ST8SIA6: variants seen among roughly 807,000 people sequenced by gnomAD.
ST8SIA6 encodes the protein ST8 alpha-N-acetyl-neuraminide alpha-2,8-sialyltransferase 6, also known as alpha-2,8-sialyltransferase 8F.
A neutral mutation model predicts 33.6 loss-of-function variants in ST8SIA6; 39 were observed. That is an observed-to-expected ratio of 1.16 (90% CI 0.90 to 1.52). The LOEUF is 1.52. ST8SIA6 is among the 40% of genes most tolerant of loss of function. ST8SIA6 has a pLI of 0.00. For synonymous variants in ST8SIA6, 172 were observed against 167.2 expected, an observed-to-expected ratio of 1.03 and a Z score of -0.22; for missense variants, 441 against 443.8, an observed-to-expected ratio of 0.99 and a Z score of 0.06.
At chr10:17,323,780 G>T (rs547420170) in intron 6 of ST8SIA6, among the ~76,000 whole-genome samples, 1 of 152,110 alleles carries the variant, frequency 6.6e-6, no homozygotes, top group Admixed American at 6.6e-5. Context: ...AAGTTTAGAA[G>T]AGTTCCCAAT....
At chr10:17,386,956 G>C (rs1221981133) in intron 3 of ST8SIA6, 1 of 152,262 alleles carries the variant, frequency 6.6e-6, no homozygotes, top group African/African-American at 2.4e-5. Flanking sequence ...GAGTTATTCA[G>C]GCCTCCGCCA....
At chr10:17,322,725 G>A (rs1222418642) in intron 7 of ST8SIA6, among the ~76,000 whole-genome samples, 1 of 152,124 alleles carries the variant, frequency 6.6e-6, no homozygotes, top group African/African-American at 2.4e-5. Flanking sequence ...AATAGAGTAA[G>A]TTTTATCAAG....
chr10:17,412,763 T>C (rs1394964886), intron 2 of ST8SIA6, among the ~76,000 whole-genome samples: 2 of 152,206 alleles, frequency 1.3e-5, no homozygotes, highest in African/African-American at 4.8e-5. Context: ...TAAGACCTAA[T>C]GTTAGATAGA....
Position 17,319,202 on chromosome 10 carries a change from T to C in ST8SIA6, c.*1676A>G, listed in dbSNP as rs11254521. On this transcript the variant is annotated 3_prime_UTR_variant, in exon 8 of 8. Coordinates refer to ENST00000377602, the MANE Select transcript of ST8SIA6 (RefSeq NM_001004470.3). Reference sequence around the variant, plus strand: ...TACACCACATCAGCTATGTAAATCATAAAACATGCGTCACAGTTCTTGTCG... The same window carrying C: ...TACACCACATCAGCTATGTAAATCACAAAACATGCGTCACAGTTCTTGTCG... Among the ~76,000 whole-genome samples the C allele has an allele frequency of 6.8e-3, 1,039 of 152,350 alleles. 6 individuals are homozygous for C. The highest frequency in any genetic ancestry group is 0.024 in the African/African-American group (996 of 41,570).
intron 4 of ST8SIA6, among the ~76,000 whole-genome samples, chr10:17,350,789 C>G (rs896153684): frequency 6.6e-6 from 1 of 152,122 alleles, no homozygotes; most frequent in African/African-American, 2.4e-5. Flanking sequence ...GCTGACATCA[C>G]ACTGACAGGT....
At chr10:17,449,718 G>A (rs1852843316) in intron 2 of ST8SIA6, among the ~76,000 whole-genome samples, 1 of 152,170 alleles carries the variant, frequency 6.6e-6, no homozygotes, top group African/African-American at 2.4e-5. Context: ...GCTTGAGTTA[G>A]ACTTGGAGGT....
intron 2 of ST8SIA6, among the ~76,000 whole-genome samples, chr10:17,430,312 C>T (rs1047390927): frequency 7.9e-5 from 12 of 152,118 alleles, no homozygotes; most frequent in African/African-American, 2.2e-4. Context: ...TGGGCACTTA[C>T]GTCAGTTCCA....
chr10:17,333,837 T>C (rs1043713101), intron 4 of ST8SIA6, among the ~76,000 whole-genome samples: 1 of 145,632 alleles, frequency 6.9e-6, no homozygotes, highest in Non-Finnish European at 1.5e-5. Flanking sequence ...TTCTCCTGCC[T>C]CAGCCTCCTG....
rs1176461782 is a variant in ST8SIA6, at chr10:17,378,295, G to A, written c.290+12236C>T. Among the ~76,000 whole-genome samples the A allele has an allele frequency of 3.9e-5, 6 of 152,094 alleles. 1 individual carries two copies. The South Asian group carries it at 1.2e-3, about 32-fold the overall frequency. On this transcript the variant is annotated intron_variant, in intron 3 of 7. Transcript: ENST00000377602. Reference sequence around the variant, plus strand: ...CCATGATTAGAGAATTTTCATCCTCGCTCACTCAGGTGTTTTGCAAAAACA... The same window carrying A: ...CCATGATTAGAGAATTTTCATCCTCACTCACTCAGGTGTTTTGCAAAAACA...
intron 4 of ST8SIA6, among the ~76,000 whole-genome samples, chr10:17,348,677 G>A (rs370829208): frequency 1.4e-4 from 21 of 152,144 alleles, no homozygotes; most frequent in Non-Finnish European, 2.6e-4. Context: ...CGGCTCCCAC[G>A]GTTCGCTGTG....
intron 2 of ST8SIA6, among the ~76,000 whole-genome samples, chr10:17,397,832 A>G (rs1195759562): frequency 1.3e-5 from 2 of 152,332 alleles, no homozygotes; most frequent in East Asian, 3.9e-4. Context: ...AAATCTTTAA[A>G]AAGGTTGGAA....
At position 17,316,070 on chromosome 10, in the gene ST8SIA6, T is replaced by C. The variant is rs1847765755; in HGVS notation, c.*4808A>G. ...ATTTATTTATGTAGTAGTAAGAATA[T>C]CATATGTGAGTATAAGAATATATAT... On this transcript the variant is annotated 3_prime_UTR_variant, in exon 8 of 8. Transcript: ENST00000377602. Among the ~76,000 whole-genome samples, 1 of 152,018 alleles carries C rather than the reference T, an allele frequency of 6.6e-6. No homozygotes were observed. The highest frequency in any genetic ancestry group is 2.4e-5 in the African/African-American group (1 of 41,430).
chr10:17,339,902 C>T (rs1848619727), intron 4 of ST8SIA6, among the ~76,000 whole-genome samples: 2 of 152,186 alleles, frequency 1.3e-5, no homozygotes, highest in African/African-American at 4.8e-5. Context: ...ATGAGAAGTG[C>T]TGGCTACACA....
At chr10:17,361,335 A>T (rs921171722) in intron 3 of ST8SIA6, among the ~76,000 whole-genome samples, 1 of 152,108 alleles carries the variant, frequency 6.6e-6, no homozygotes, top group Non-Finnish European at 1.5e-5. Context: ...ATGGAGCATT[A>T]AGAATCCTTA....
At chr10:17,374,200 T>G (rs1042830723) in intron 3 of ST8SIA6, among the ~76,000 whole-genome samples, 2 of 131,638 alleles carry the variant, frequency 1.5e-5, no homozygotes, top group Non-Finnish European at 3.3e-5. Context: ...ATCTTTAAAC[T>G]GAGGGAGTTA....
At chr10:17,434,618 G>A (rs1852195983) in intron 2 of ST8SIA6, among the ~76,000 whole-genome samples, 1 of 152,156 alleles carries the variant, frequency 6.6e-6, no homozygotes, top group African/African-American at 2.4e-5. Context: ...AACTCAGGGT[G>A]AATGAGGCGG....
chr10:17,397,620 A>C (rs950651388), intron 2 of ST8SIA6, among the ~76,000 whole-genome samples: 8 of 152,168 alleles, frequency 5.3e-5, no homozygotes, highest in African/African-American at 1.9e-4. Context: ...ACTCCTTATT[A>C]ACTGGGCATG....
At chr10:17,394,635 A>G (rs1277408497) in intron 2 of ST8SIA6, among the ~76,000 whole-genome samples, 1 of 152,062 alleles carries the variant, frequency 6.6e-6, no homozygotes, top group Non-Finnish European at 1.5e-5. Context: ...TTTCATTTCA[A>G]GAGTCTTCAG....
In ST8SIA6 at chr10:17,348,221, CTTT is replaced by C. The variant is rs202024746; in HGVS notation, c.377+11290_377+11292del. On this transcript the variant is annotated intron_variant, in intron 4 of 7. Coordinates refer to ENST00000377602, the MANE Select transcript of ST8SIA6 (RefSeq NM_001004470.3). ...GGAAGGAAAAGGGAAGAGTAGGAAC[CTTT>C]TTTTTTTTTTTTTTGCAGACTTTGG... is the stretch of plus-strand genomic sequence containing the variant. Among the ~76,000 whole-genome samples the C allele has an allele frequency of 8.0e-3, 1,059 of 131,812 alleles. 5 individuals carry two copies. The highest frequency in any genetic ancestry group is 9.1e-3 in the Non-Finnish European group (556 of 61,420). The allele number at this position is 131,812 out of a possible 152,430, so 86.5% of individuals were successfully genotyped here.
Sources: gnomAD v4.1 joint callset for allele counts (sites outside exome capture counted in the v4.1 genomes callset) on GRCh38, gnomAD v4.1.1 for gene constraint, MANE v1.5 for transcripts, NCBI Gene and HGNC (gene_info 2026-07-23, HGNC 2026-07-21) for gene names.